Variants in ERC1 observed in about 807,000 individuals in gnomAD.
The protein encoded by ERC1 is RAB6 interacting protein 2.
ERC1 carries 56 observed loss-of-function variants against 132.0 expected under a neutral mutation model. That is an observed-to-expected ratio of 0.42 (90% CI 0.34 to 0.53). The LOEUF is 0.53. Among genes scored for constraint, ERC1 ranks in the 20% least tolerant of loss-of-function variants. The pLI, the probability that ERC1 is intolerant of heterozygous loss-of-function variation, is 0.03. For synonymous variants in ERC1, 478 were observed against 476.1 expected, an observed-to-expected ratio of 1.00 and a Z score of -0.05; for missense variants, 1,202 against 1,349.9, an observed-to-expected ratio of 0.89 and a Z score of 1.72.
At chr12:1,226,472 G>A (rs74834113) in intron 12 of ERC1, among the ~76,000 whole-genome samples, 2,093 of 152,140 alleles carry the variant, frequency 0.014, 51 homozygotes, top group African/African-American at 0.048. Context: ...CAAGTGCGCC[G>A]AACAGTATTA....
Position 1,444,641 on chromosome 12 carries a change from A to T in ERC1, c.3104A>T (p.His1035Leu). The change falls in exon 18 of 19, where the codon CAT becomes CTT. Residue 1035 changes from histidine to leucine, a missense_variant. His to Leu is a moderately conservative substitution (Grantham distance 99, BLOSUM62 -3). Coordinates refer to ENST00000360905, the MANE Select transcript of ERC1 (RefSeq NM_178040.4). ...ATTGGACACCTGACAACCCTCTGCC[A>T]TGACCGAGACCCCCTGATCCTCCGT... ...LYIGHLTTLC[H>L]DRDPLILRGL... 1 of 1,614,156 alleles carries T rather than the reference A, an allele frequency of 6.2e-7. No individual in the cohort carries two copies. Among genetic ancestry groups the T allele is most frequent in the East Asian group, 2.2e-5 (1 of 44,894 alleles).
At chr12:1,488,070 G>A (rs1463027625) in intron 18 of ERC1, among the ~76,000 whole-genome samples, 11 of 151,404 alleles carry the variant, frequency 7.3e-5, no homozygotes, top group East Asian at 3.9e-4. Flanking sequence ...CCTGGGAGGC[G>A]GAGGTTGCAG....
chr12:1,153,180 A>G (rs766988173), intron 8 of ERC1: 2 of 152,252 alleles, frequency 1.3e-5, no homozygotes, highest in Non-Finnish European at 2.9e-5. Flanking sequence ...CACAACAGAA[A>G]ATCTCCAAGG....
At chr12:1,376,815 G>A (rs1371395644) in intron 16 of ERC1, among the ~76,000 whole-genome samples, 2 of 151,986 alleles carry the variant, frequency 1.3e-5, no homozygotes, top group South Asian at 2.1e-4. Context: ...CTATTTATAC[G>A]CCAGCCCTTC....
At chr12:1,384,433 GTTATTAAAA>G (rs1243092337) in intron 16 of ERC1, among the ~76,000 whole-genome samples, 1 of 152,166 alleles carries the variant, frequency 6.6e-6, no homozygotes, top group Non-Finnish European at 1.5e-5. Context: ...AAATAATTTT[GTTATTAAAA>G]TACTATTACT....
chr12:1,166,868 A>G (rs1952476940), intron 8 of ERC1, among the ~76,000 whole-genome samples: 1 of 152,222 alleles, frequency 6.6e-6, no homozygotes, highest in African/African-American at 2.4e-5. Flanking sequence ...TTAATTTTCA[A>G]GTGCTAAGGT....
intron 15 of ERC1, among the ~76,000 whole-genome samples, chr12:1,304,833 G>C (rs370281951): frequency 8.4e-6 from 1 of 118,682 alleles, no homozygotes; most frequent in Admixed American, 1.1e-4. Context: ...TCTGCTGCCC[G>C]GGCTGGAGTA....
chr12:1,408,138 TTTC>T lies in ERC1; in HGVS notation c.2926-7_2926-5del. On this transcript the variant is annotated splice_polypyrimidine_tract_variant and splice_region_variant and intron_variant, in intron 16 of 18. Coordinates refer to ENST00000360905, the MANE Select transcript of ERC1 (RefSeq NM_178040.4). The stretch of plus-strand genomic sequence containing the variant: ...TACTTAAATTTAACCTTATGAATAA[TTTC>T]TTCCTAGACGCAAAATCGAATGAAG... 1 of 1,604,720 alleles carries T rather than the reference TTTC, an allele frequency of 6.2e-7. No individual in the cohort carries two copies. The highest frequency in any genetic ancestry group is 8.5e-7 in the Non-Finnish European group (1 of 1,171,718).
rs139468717 is a variant in ERC1 at position 1,147,298 on chromosome 12, A to G, written c.1737+5511A>G. Reference sequence around the variant, plus strand: ...CTTAAGGTATGTCCCTTGTATGCCAATTTTGCTGAGGGTTTTAATCATAAA... The same window carrying G: ...CTTAAGGTATGTCCCTTGTATGCCAGTTTTGCTGAGGGTTTTAATCATAAA... On this transcript the variant is annotated intron_variant, in intron 8 of 18. Transcript: ENST00000360905. 1.2e-4 allele frequency among the ~76,000 whole-genome samples: 18 copies of G among 152,234 alleles called. No individual in the cohort carries two copies. The East Asian group carries it at 2.1e-3, about 18-fold the overall frequency.
At chr12:1,094,106 C>T (rs1261936106) in intron 3 of ERC1, among the ~76,000 whole-genome samples, 2 of 149,076 alleles carry the variant, frequency 1.3e-5, no homozygotes, top group Non-Finnish European at 3.0e-5. Context: ...GCAACCTCCG[C>T]GTCCCGGGTT....
chr12:1,030,908 T>C (rs1160448399), intron 2 of ERC1, among the ~76,000 whole-genome samples: 1 of 152,172 alleles, frequency 6.6e-6, no homozygotes, highest in Non-Finnish European at 1.5e-5. Context: ...AGGTGTGTGG[T>C]AGGCCGTACC....
At chr12:1,455,728 G>A (rs1164554915) in intron 18 of ERC1, among the ~76,000 whole-genome samples, 5 of 152,120 alleles carry the variant, frequency 3.3e-5, no homozygotes, top group Admixed American at 2.0e-4. Context: ...TTGACAAGTC[G>A]CCTTTCCCTT....
At chr12:1,440,600 T>TTGTGTGTGTGTGTG (rs56749397) in intron 17 of ERC1, among the ~76,000 whole-genome samples, 28 of 51,160 alleles carry the variant, frequency 5.5e-4, no homozygotes, top group Admixed American at 2.7e-3. Context: ...CCTCAGCCTT[T>TTGTGTGTGTGTGTG]TGTGTGTGTG....
intron 1 of ERC1, among the ~76,000 whole-genome samples, chr12:995,202 A>C (rs1960572377): frequency 6.6e-6 from 1 of 152,020 alleles, no homozygotes. Flanking sequence ...GGTTGCAGTG[A>C]GCTGTCATTC....
chr12:1,488,824 C>T (rs531767962), intron 18 of ERC1, among the ~76,000 whole-genome samples: 24 of 152,342 alleles, frequency 1.6e-4, no homozygotes, highest in African/African-American at 5.5e-4. Context: ...GACACCTCCT[C>T]CTTTTAGTCC....
chr12:1,071,733 G>A (rs1940399593), intron 2 of ERC1, among the ~76,000 whole-genome samples: 1 of 152,030 alleles, frequency 6.6e-6, no homozygotes, highest in Admixed American at 6.6e-5. Flanking sequence ...AAATTTTGAA[G>A]TCTAATTTGT....
intron 15 of ERC1, among the ~76,000 whole-genome samples, chr12:1,365,758 G>A (rs114088995): frequency 1.5e-3 from 226 of 152,284 alleles, no homozygotes; most frequent in African/African-American, 5.2e-3. Context: ...CAAGACTCTC[G>A]AAGGAAGACA....
chr12:1,158,068 G>A (rs1951562497), intron 8 of ERC1, among the ~76,000 whole-genome samples: 1 of 152,174 alleles, frequency 6.6e-6, no homozygotes, highest in South Asian at 2.1e-4. Flanking sequence ...AGTAGAGTGG[G>A]CAGAGTTTAT....
At chr12:1,301,689 G>A (rs2080414183) in intron 15 of ERC1, among the ~76,000 whole-genome samples, 1 of 152,096 alleles carries the variant, frequency 6.6e-6, no homozygotes, top group African/African-American at 2.4e-5. Flanking sequence ...TGGGAGAAGG[G>A]AGAGGATCAG....
Sources: allele counts gnomAD v4.1 joint callset (sites outside exome capture counted in the v4.1 genomes callset), GRCh38; gene constraint gnomAD v4.1.1; transcripts MANE v1.5; gene names NCBI Gene and HGNC (gene_info 2026-07-23, HGNC 2026-07-21).